The following ENTREP1 variants were observed in gnomAD, a reference collection of about 807,000 sequenced individuals.
The protein encoded by ENTREP1 is endosomal transmembrane epsin interactor 1.
At chr9:69,340,184 A>G in the ENTREP1 span, among the ~76,000 whole-genome samples, 1 of 152,140 alleles carries the variant, frequency 6.6e-6, no homozygotes, top group African/African-American at 2.4e-5. Flanking sequence ...TTGAACTTCA[A>G]AGTTGTCAGG....
chr9:69,351,355 C>T, the ENTREP1 span, among the ~76,000 whole-genome samples: 1 of 151,998 alleles, frequency 6.6e-6, no homozygotes, highest in Non-Finnish European at 1.5e-5. Flanking sequence ...ATATGTGTGC[C>T]TTTCTTCAAC....
chr9:69,384,510 T>G, the ENTREP1 span, among the ~76,000 whole-genome samples: 6 of 152,256 alleles, frequency 3.9e-5, no homozygotes, highest in Non-Finnish European at 8.8e-5. Flanking sequence ...GGAAAAAAAG[T>G]TTCCTCTATT....
the ENTREP1 span, chr9:69,383,854 C>T: frequency 1.8e-5 from 28 of 1,569,658 alleles, no homozygotes; most frequent in East Asian, 6.7e-5. Context: ...GCAGGGAGAC[C>T]GGGCCCCACA....
the ENTREP1 span, among the ~76,000 whole-genome samples, chr9:69,328,598 T>C: frequency 6.6e-6 from 1 of 151,808 alleles, no homozygotes; most frequent in South Asian, 2.1e-4. Flanking sequence ...TATGTACTTA[T>C]AAAAGAAATG....
At chr9:69,327,591 C>T in the ENTREP1 span, among the ~76,000 whole-genome samples, 1 of 150,292 alleles carries the variant, frequency 6.7e-6, no homozygotes, top group African/African-American at 2.5e-5. Flanking sequence ...AGATATCGGT[C>T]AAGCCACAGT....
the ENTREP1 span, among the ~76,000 whole-genome samples, chr9:69,359,382 T>C: frequency 6.6e-6 from 1 of 152,212 alleles, no homozygotes; most frequent in East Asian, 1.9e-4. Flanking sequence ...TCTTGAATTG[T>C]AATTCCCATA....
At chr9:69,327,614 A>C in the ENTREP1 span, among the ~76,000 whole-genome samples, 1 of 80,144 alleles carries the variant, frequency 1.2e-5, no homozygotes. Context: ...AATTTGATGA[A>C]GTACCAAAAG....
At chr9:69,340,653 A>G in the ENTREP1 span, among the ~76,000 whole-genome samples, 9 of 98,726 alleles carry the variant, frequency 9.1e-5, no homozygotes, top group East Asian at 2.7e-4. Context: ...GTGTGTGTGC[A>G]TGTGTGTGTG....
At chr9:69,375,906 G>A in the ENTREP1 span, 1,880 of 1,578,550 alleles carry the variant, frequency 1.2e-3, 22 homozygotes, top group African/African-American at 0.021. Flanking sequence ...AATACACCAC[G>A]GAGCCCCCAA....
the ENTREP1 span, among the ~76,000 whole-genome samples, chr9:69,339,977 C>T: frequency 6.6e-5 from 10 of 152,262 alleles, no homozygotes; most frequent in East Asian, 7.7e-4. Flanking sequence ...GTCAGTTCCC[C>T]GAGAACAAGA....
chr9:69,327,349 C>G, the ENTREP1 span, among the ~76,000 whole-genome samples: 1 of 152,172 alleles, frequency 6.6e-6, no homozygotes, highest in Non-Finnish European at 1.5e-5. Flanking sequence ...GCCACCTATT[C>G]TGTTTGTCTG....
the ENTREP1 span, among the ~76,000 whole-genome samples, chr9:69,355,196 T>C: frequency 6.6e-6 from 1 of 152,220 alleles, no homozygotes; most frequent in Non-Finnish European, 1.5e-5. Context: ...TCACACCTCT[T>C]TCTCCACAGA....
chr9:69,366,379 A>G, the ENTREP1 span, among the ~76,000 whole-genome samples: 1 of 92,516 alleles, frequency 1.1e-5, no homozygotes, highest in Admixed American at 1.2e-4. Flanking sequence ...GGTAATTCCA[A>G]CTGGGGTTTT....
At chr9:69,374,185 A>G in the ENTREP1 span, among the ~76,000 whole-genome samples, 1,209 of 152,246 alleles carry the variant, frequency 7.9e-3, 8 homozygotes, top group Middle Eastern at 0.041. Context: ...TTTATATTGT[A>G]TCTGTTGTTT....
chr9:69,371,589 A>C, the ENTREP1 span: 1 of 1,613,308 alleles, frequency 6.2e-7, no homozygotes, highest in Non-Finnish European at 8.5e-7. Context: ...GTTTGTGTCC[A>C]GCGTGCCCAG....
At chr9:69,388,838 G>A in the ENTREP1 span, among the ~76,000 whole-genome samples, 2 of 152,182 alleles carry the variant, frequency 1.3e-5, no homozygotes, top group African/African-American at 4.8e-5. Flanking sequence ...TGATGACATA[G>A]GTGAATTTTA....
At chr9:69,360,129 C>T in the ENTREP1 span, among the ~76,000 whole-genome samples, 2 of 152,120 alleles carry the variant, frequency 1.3e-5, no homozygotes, top group African/African-American at 2.4e-5. Context: ...TTATCTCACT[C>T]CGAGTTCATG....
At chr9:69,325,525 G>A in the ENTREP1 span, 2 of 1,052,494 alleles carry the variant, frequency 1.9e-6, no homozygotes, top group South Asian at 8.8e-5. Flanking sequence ...CGCCGCCGGC[G>A]CTCTCCTCCC....
the ENTREP1 span, among the ~76,000 whole-genome samples, chr9:69,378,547 C>A: frequency 6.6e-6 from 1 of 151,868 alleles, no homozygotes; most frequent in Non-Finnish European, 1.5e-5. Context: ...GCGGGCAGAT[C>A]ATGAGGTCAG....
Sources: gnomAD v4.1 joint callset for allele counts (sites outside exome capture counted in the v4.1 genomes callset) on GRCh38, gnomAD v4.1.1 for gene constraint, MANE v1.5 for transcripts, NCBI Gene and HGNC (gene_info 2026-07-23, HGNC 2026-07-21) for gene names.